The following ZFAND6 variants were observed in gnomAD, a reference collection of about 807,000 sequenced individuals.
ZFAND6 encodes the protein zinc finger AN1-type containing 6, also known as AN1-type zinc finger protein 6.
In ZFAND6, 12 loss-of-function variants were observed where a neutral mutation model predicts 24.5. That is an observed-to-expected ratio of 0.49 (90% CI 0.31 to 0.79). The LOEUF (loss-of-function observed/expected upper bound fraction) is 0.79, where lower values mean the gene tolerates loss of function less well. Ranked by LOEUF, ZFAND6 falls within the 30% of genes least tolerant of loss-of-function variation. The pLI, the probability that ZFAND6 is intolerant of heterozygous loss-of-function variation, is 0.04. For missense variants in ZFAND6, 207 were observed against 245.9 expected (o/e 0.84, Z 1.06); for synonymous variants, 92 against 81.5 (o/e 1.13, Z -0.69).
chr15:80,096,784 G>C (rs1381288688), intron 1 of ZFAND6, among the ~76,000 whole-genome samples: 1 of 152,056 alleles, frequency 6.6e-6, no homozygotes, highest in African/African-American at 2.4e-5. Context: ...TAGGGGAAAG[G>C]TATAGCCCAG....
intron 5 of ZFAND6, among the ~76,000 whole-genome samples, chr15:80,123,442 G>A (rs2040234698): frequency 6.6e-6 from 1 of 152,196 alleles, no homozygotes. Flanking sequence ...TTCTAGCAGT[G>A]TGTGGAAATA....
At chr15:80,118,540 T>C (rs1356405847) in intron 2 of ZFAND6, among the ~76,000 whole-genome samples, 1 of 152,188 alleles carries the variant, frequency 6.6e-6, no homozygotes, top group Non-Finnish European at 1.5e-5. Context: ...GTGCTTGTTA[T>C]TTTTTAATGT....
In ZFAND6 at chr15:80,121,825, G is replaced by A; in HGVS notation, c.263+5G>A. The A allele has an allele frequency of 6.2e-7, 1 of 1,608,164 alleles. No individual in the cohort carries two copies. The highest frequency in any genetic ancestry group is 8.5e-7 in the Non-Finnish European group (1 of 1,175,434). On this transcript the variant is annotated splice_donor_5th_base_variant and intron_variant, in intron 4 of 6. Transcript: ENST00000261749. The stretch of plus-strand genomic sequence containing the variant: ...ATCTTCATCTATGCAGCCCAGGTAA[G>A]ATGTACTCTCTGAATTCTAATGAGA...
intron 1 of ZFAND6, among the ~76,000 whole-genome samples, chr15:80,092,453 C>T (rs1032544321): frequency 1.3e-5 from 2 of 151,904 alleles, no homozygotes; most frequent in East Asian, 1.9e-4. Flanking sequence ...AAAACAACTG[C>T]GTATCCTCAT....
chr15:80,086,558 C>G (rs2038018197), intron 1 of ZFAND6, among the ~76,000 whole-genome samples: 1 of 152,176 alleles, frequency 6.6e-6, no homozygotes, highest in African/African-American at 2.4e-5. Flanking sequence ...TTTGCCCTTT[C>G]TTGACATTTC....
rs2039694233 is a variant in ZFAND6 at position 80,113,115 on chromosome 15, T to C, written c.-17-7213T>C. On this transcript the variant is annotated intron_variant, in intron 2 of 6. Coordinates refer to ENST00000261749, the MANE Select transcript of ZFAND6 (RefSeq NM_019006.4). ...ACCAGACATATTATGTGTATTTTTT[T>C]CTTTTCTTGAAATTATTAGTGAAGG... is the stretch of plus-strand genomic sequence containing the variant. Among the ~76,000 whole-genome samples, 4 of 152,358 alleles carry C rather than the reference T, an allele frequency of 2.6e-5. No individual in the cohort carries two copies. In the South Asian group the frequency reaches 8.3e-4, roughly 32 times the overall value.
At chr15:80,105,182 C>G (rs536739875) in intron 2 of ZFAND6, among the ~76,000 whole-genome samples, 1 of 152,178 alleles carries the variant, frequency 6.6e-6, no homozygotes, top group African/African-American at 2.4e-5. Flanking sequence ...AAATATTGAG[C>G]GTAAGCACAT....
intron 5 of ZFAND6, among the ~76,000 whole-genome samples, chr15:80,127,949 T>C (rs2040440678): frequency 6.6e-6 from 1 of 152,256 alleles, no homozygotes; most frequent in South Asian, 2.1e-4. Flanking sequence ...TGGCTGTAAA[T>C]AGATCATTGG....
rs145318935 is a variant in ZFAND6, at chr15:80,065,922, T to A, written c.-181+6113T>A. ...TTTATAATGAAAAAATGTAATCCTATTGAATGTTCCTCTGAGCATAGCTTT... is the reference window on the plus strand; with the variant it reads ...TTTATAATGAAAAAATGTAATCCTAATGAATGTTCCTCTGAGCATAGCTTT... On this transcript the variant is annotated intron_variant, in intron 1 of 6. Coordinates refer to ENST00000261749, the MANE Select transcript of ZFAND6 (RefSeq NM_019006.4). Among the ~76,000 whole-genome samples, 396 of 152,308 alleles carry A rather than the reference T, an allele frequency of 2.6e-3. 4 individuals carry two copies. Among genetic ancestry groups the A allele is most frequent in the African/African-American group, 8.9e-3 (369 of 41,572 alleles).
At chr15:80,121,662 AGAC>A (rs2040152177) in intron 3 of ZFAND6, 47 bp from the exon 4 acceptor site, 3 of 1,504,218 alleles carry the variant, frequency 2.0e-6, no homozygotes, top group Non-Finnish European at 2.8e-6. Flanking sequence ...ATAAGGTCTT[AGAC>A]TGCTGAGCAT....
chr15:80,062,019 T>C (rs190814613), intron 1 of ZFAND6, among the ~76,000 whole-genome samples: 16 of 146,522 alleles, frequency 1.1e-4, no homozygotes, highest in African/African-American at 3.9e-4. Context: ...TCTCTTACTT[T>C]GAAGTCACAT....
At chr15:80,059,885 T>G (rs1481078840) in intron 1 of ZFAND6, 76 bp downstream of exon 1, 1 of 151,104 alleles carries the variant, frequency 6.6e-6, no homozygotes, top group East Asian at 1.9e-4. Flanking sequence ...CCCACCCGGC[T>G]GCAGCTAGGC....
intron 1 of ZFAND6, among the ~76,000 whole-genome samples, chr15:80,065,510 T>C (rs936635061): frequency 1.3e-5 from 2 of 150,956 alleles, no homozygotes; most frequent in African/African-American, 4.9e-5. Context: ...TTTATTCTTT[T>C]GGGGCTTCAA....
chr15:80,074,752 A>G (rs2037170501), intron 1 of ZFAND6, among the ~76,000 whole-genome samples: 1 of 151,984 alleles, frequency 6.6e-6, no homozygotes. Flanking sequence ...CTTTGTTGGC[A>G]TTGACCACAA....
In ZFAND6 at chr15:80,059,681, A is replaced by T. The variant is rs1449843584; in HGVS notation, c.-309A>T. 6.6e-6 allele frequency: 1 copy of T among 152,418 alleles called. No individual in the cohort carries two copies. The highest frequency in any genetic ancestry group is 2.1e-4 in the South Asian group (1 of 4,844). 9.4% of individuals were successfully genotyped at this position (152,418 alleles called of 1,614,324 possible). On this transcript the variant is annotated 5_prime_UTR_variant, in exon 1 of 7. Coordinates refer to ENST00000261749, the MANE Select transcript of ZFAND6 (RefSeq NM_019006.4). Reference sequence around the variant, plus strand: ...ACAACCAAACAGAAAAGTTTAATAAACAGCGGACGGAGGGGCCGGCGGTGG... The same window carrying T: ...ACAACCAAACAGAAAAGTTTAATAATCAGCGGACGGAGGGGCCGGCGGTGG...
At chr15:80,096,012 T>A (rs2038701379) in intron 1 of ZFAND6, among the ~76,000 whole-genome samples, 1 of 152,240 alleles carries the variant, frequency 6.6e-6, no homozygotes, top group South Asian at 2.1e-4. Flanking sequence ...GATCACTGTT[T>A]GCCTGTAATC....
At chr15:80,125,154 CTAACTCA>C (rs989707254) in intron 5 of ZFAND6, among the ~76,000 whole-genome samples, 2 of 152,072 alleles carry the variant, frequency 1.3e-5, no homozygotes, top group African/African-American at 4.8e-5. Context: ...ATCCAGGGAC[CTAACTCA>C]TAGAGGCCAG....
chr15:80,091,640 A>G (rs1290602470), intron 1 of ZFAND6, among the ~76,000 whole-genome samples: 1 of 62,698 alleles, frequency 1.6e-5, no homozygotes, highest in African/African-American at 5.7e-5. Flanking sequence ...TACTATTAAA[A>G]AAAAAACTTT....
chr15:80,124,844 G>C (rs1315491662), intron 5 of ZFAND6, among the ~76,000 whole-genome samples: 4 of 152,126 alleles, frequency 2.6e-5, no homozygotes, highest in Admixed American at 6.5e-5. Flanking sequence ...TTTTAAGAGA[G>C]GAGGGTTAGG....
Sources: allele counts gnomAD v4.1 joint callset (sites outside exome capture counted in the v4.1 genomes callset), GRCh38; gene constraint gnomAD v4.1.1; transcripts MANE v1.5; gene names NCBI Gene and HGNC (gene_info 2026-07-23, HGNC 2026-07-21).